NRG4: variants seen among roughly 807,000 people sequenced by gnomAD.
NRG4 encodes the protein neuregulin 4, also known as pro-neuregulin-4, membrane-bound isoform.
A neutral mutation model predicts 15.0 loss-of-function variants in NRG4; 10 were observed. The observed-to-expected ratio is 0.67, with a 90% CI of 0.41 to 1.13. NRG4 has a LOEUF of 1.13. NRG4 is among the 50% of genes most tolerant of loss of function. The probability of loss-of-function intolerance (pLI) is 0.00; values close to 1 mark genes in which losing one functional copy is unlikely to be tolerated. For synonymous variants in NRG4, 41 were observed against 50.1 expected (o/e 0.82, Z 0.77); for missense variants, 139 against 140.2 (o/e 0.99, Z 0.04).
At chr15:75,989,968 T>C (rs2033945306) in intron 3 of NRG4, among the ~76,000 whole-genome samples, 1 of 152,182 alleles carries the variant, frequency 6.6e-6, no homozygotes, top group Non-Finnish European at 1.5e-5. Flanking sequence ...AGGGTACAAA[T>C]GGAGTAGCAT....
At chr15:75,958,233 C>T (rs917451183) in intron 4 of NRG4, among the ~76,000 whole-genome samples, 2 of 152,024 alleles carry the variant, frequency 1.3e-5, no homozygotes, top group Non-Finnish European at 2.9e-5. Context: ...AGGATGGTCT[C>T]GATCTCCTGA....
chr15:76,010,076 C>CT (rs2034754143), intron 2 of NRG4, among the ~76,000 whole-genome samples: 1 of 151,556 alleles, frequency 6.6e-6, no homozygotes, highest in African/African-American at 2.4e-5. Flanking sequence ...CCCTTGGTAC[C>CT]TCTCCTTCCT....
At chr15:76,056,453 C>T (rs902057377) in intron 2 of NRG4, among the ~76,000 whole-genome samples, 11 of 150,766 alleles carry the variant, frequency 7.3e-5, no homozygotes, top group African/African-American at 2.0e-4. Context: ...AGCGAAACTC[C>T]GTCTCAAAAA....
At chr15:76,046,072 A>G (rs1429092484) in intron 4 of NRG4, among the ~76,000 whole-genome samples, 1 of 151,094 alleles carries the variant, frequency 6.6e-6, no homozygotes, top group Admixed American at 6.6e-5. Flanking sequence ...TGTTCCCACA[A>G]AAATTAAAAA....
chr15:76,015,358 G>A (rs971490774), upstream of NRG4, among the ~76,000 whole-genome samples: 1 of 152,128 alleles, frequency 6.6e-6, no homozygotes, highest in Non-Finnish European at 1.5e-5. Flanking sequence ...GATTGGCCTG[G>A]CCAGAACCTC....
At chr15:76,004,743 C>T (rs2034538753) in intron 3 of NRG4, among the ~76,000 whole-genome samples, 1 of 151,724 alleles carries the variant, frequency 6.6e-6, no homozygotes, top group Non-Finnish European at 1.5e-5. Context: ...TCAGTAATTA[C>T]TTTAAATGTA....
intron 3 of NRG4, among the ~76,000 whole-genome samples, chr15:75,986,919 C>G (rs143541961): frequency 6.6e-6 from 1 of 152,234 alleles, no homozygotes; most frequent in East Asian, 1.9e-4. Context: ...TGTAAAAGAT[C>G]TCAATCTAAG....
At chr15:75,986,992 A>G (rs2033822510) in intron 3 of NRG4, among the ~76,000 whole-genome samples, 1 of 152,226 alleles carries the variant, frequency 6.6e-6, no homozygotes, top group African/African-American at 2.4e-5. Flanking sequence ...GAGTAGAAAC[A>G]GGGAGATCTC....
chr15:75,961,787 A>T, intron 4 of NRG4, 41 bp downstream of exon 4: 1 of 1,449,446 alleles, frequency 6.9e-7, no homozygotes, highest in Non-Finnish European at 9.6e-7. Context: ...TAACTACTTT[A>T]TGTATTACTT....
chr15:76,057,073 C>T (rs1355866150), intron 1 of NRG4: 1 of 152,206 alleles, frequency 6.6e-6, no homozygotes, highest in Non-Finnish European at 1.5e-5. Context: ...TTCTGCTTTA[C>T]AGCTCTTATA....
At chr15:76,046,906 T>C (rs1454491605) in intron 4 of NRG4, among the ~76,000 whole-genome samples, 1 of 150,808 alleles carries the variant, frequency 6.6e-6, no homozygotes, top group Non-Finnish European at 1.5e-5. Context: ...AACTATCCAT[T>C]TGACAAAGAA....
chr15:76,028,622 G>T (rs1459164504), intron 5 of NRG4, among the ~76,000 whole-genome samples: 2 of 151,686 alleles, frequency 1.3e-5, no homozygotes, highest in African/African-American at 4.8e-5. Flanking sequence ...GATTCCAGCT[G>T]GGTGTGGTGG....
At chr15:75,963,838 G>C (rs560916437) in intron 3 of NRG4, among the ~76,000 whole-genome samples, 28 of 151,856 alleles carry the variant, frequency 1.8e-4, no homozygotes, top group African/African-American at 6.5e-4. Context: ...AGCTACTCTG[G>C]AGGCTGAGGT....
In NRG4 at chr15:75,977,440, CT is replaced by C. The variant is rs1208507004; in HGVS notation, c.105-15467del. Among the ~76,000 whole-genome samples the C allele has an allele frequency of 2.0e-5, 3 of 152,204 alleles. No homozygotes were observed. Among genetic ancestry groups the C allele is most frequent in the Non-Finnish European group, 2.9e-5 (2 of 68,024 alleles). ...AGTTTTGTGCTTGAAATCCAGGGCC[CT>C]GGTGGTGTAGGCACCCGAGGGAATC... On this transcript the variant is annotated intron_variant, in intron 3 of 5. Transcript: ENST00000394907. The surrounding 1 kb of genome is among the most constrained non-coding windows in gnomAD (Gnocchi z 4.9).
intron 5 of NRG4, among the ~76,000 whole-genome samples, chr15:76,026,487 C>A (rs2035318356): frequency 6.6e-6 from 1 of 152,118 alleles, no homozygotes; most frequent in Non-Finnish European, 1.5e-5. Flanking sequence ...TTCAGCCAAG[C>A]AAGAACTAAG....
intron 3 of NRG4, 31 bp from the exon 4 acceptor site, chr15:75,962,005 C>T (rs1402472585): frequency 6.5e-7 from 1 of 1,537,978 alleles, no homozygotes; most frequent in Non-Finnish European, 8.9e-7. Context: ...TAAAGAATTG[C>T]ATTCTGTGTT....
intron 3 of NRG4, among the ~76,000 whole-genome samples, chr15:76,005,149 G>A (rs2034550800): frequency 6.6e-6 from 1 of 152,110 alleles, no homozygotes; most frequent in Non-Finnish European, 1.5e-5. Flanking sequence ...TGAGGTGGGA[G>A]GATCACTTAA....
chr15:76,003,445 G>C (rs564858136), intron 3 of NRG4, among the ~76,000 whole-genome samples: 1 of 151,640 alleles, frequency 6.6e-6, no homozygotes, highest in African/African-American at 2.4e-5. Context: ...GGGTCCCATG[G>C]GACACCATCA....
intron 4 of NRG4, among the ~76,000 whole-genome samples, chr15:76,051,297 G>C (rs771557265): frequency 6.7e-6 from 1 of 150,086 alleles, no homozygotes; most frequent in South Asian, 2.1e-4. Flanking sequence ...GAGCCACCGC[G>C]CCCGGCCTAT....
Sources: gnomAD v4.1 joint callset for allele counts (sites outside exome capture counted in the v4.1 genomes callset) on GRCh38, gnomAD v4.1.1 for gene constraint, Gnocchi (gnomAD v3.1) non-coding constraint, MANE v1.5 for transcripts, NCBI Gene and HGNC (gene_info 2026-07-23, HGNC 2026-07-21) for gene names.